Variants in SAP30 observed in about 807,000 individuals in gnomAD.
The protein encoded by SAP30 is histone deacetylase complex subunit SAP30.
Under a neutral mutation model 19.6 loss-of-function variants are expected in SAP30, and 13 were observed. That is an observed-to-expected ratio of 0.66 (90% CI 0.43 to 1.05). The LOEUF is 1.05. Ranked by LOEUF, SAP30 falls within the 50% of genes least tolerant of loss-of-function variation. The pLI is 0.00. For missense variants in SAP30, 257 were observed against 292.1 expected (o/e 0.88, Z 0.88); for synonymous variants, 108 against 122.7 (o/e 0.88, Z 0.79).
At chr4:173,376,916 C>T (rs927702269) in intron 3 of SAP30, among the ~76,000 whole-genome samples, 3 of 152,116 alleles carry the variant, frequency 2.0e-5, no homozygotes, top group African/African-American at 7.2e-5. Flanking sequence ...GCCACCACGC[C>T]TGGCCCAATT....
Position 173,371,497 on chromosome 4 carries a change from C to T in SAP30, c.315C>T (p.Ser105=). ...AGGTGAAGATCGAGCTGGATAAGAGCGTAAGTAAACCGCGGGACCGCCCTG... is the reference window on the plus strand; with the variant it reads ...AGGTGAAGATCGAGCTGGATAAGAGTGTAAGTAAACCGCGGGACCGCCCTG... The part of the protein sequence containing the change: ...QKKVKIELDK[S]ARHLYICDYH... Residue 105 remains serine, a splice_region_variant and synonymous_variant, in exon 1 of 4, where the codon AGC becomes AGT. Coordinates refer to ENST00000296504, the MANE Select transcript of SAP30 (RefSeq NM_003864.4). This position sits in a 1 kb window ranked among gnomAD's most constrained non-coding sequence, Gnocchi z 6.4. 6.3e-7 allele frequency: 1 copy of T among 1,583,118 alleles called. No homozygotes were observed. Among genetic ancestry groups the T allele is most frequent in the Non-Finnish European group, 8.5e-7 (1 of 1,170,136 alleles).
chr4:173,374,056 C>G lies in SAP30; in HGVS notation c.540+19C>G. ...TGTTGAGGTATATATGAGTTTTAAA[C>G]TATTTGAACTATCTGCACAACCGAG... is the stretch of plus-strand genomic sequence containing the variant. On this transcript the variant is annotated intron_variant, in intron 3 of 3. Transcript: ENST00000296504. 1 of 1,333,300 alleles carries G rather than the reference C, an allele frequency of 7.5e-7. No homozygotes were observed. The highest frequency in any genetic ancestry group is 1.1e-6 in the Non-Finnish European group (1 of 947,394). 82.6% of individuals were successfully genotyped at this position (1,333,300 alleles called of 1,614,324 possible).
chr4:173,374,185 G>A, intron 3 of SAP30, 148 bp downstream of exon 3: 1 of 484,002 alleles, frequency 2.1e-6, no homozygotes, highest in Non-Finnish European at 3.7e-6. Context: ...ATCTAGTTGT[G>A]TAGAAATGTT....
intron 1 of SAP30, among the ~76,000 whole-genome samples, chr4:173,372,511 A>G (rs1405605686): frequency 6.6e-6 from 1 of 152,388 alleles, no homozygotes; most frequent in East Asian, 1.9e-4. Flanking sequence ...ATAGATAAAT[A>G]CATTGATTTA....
chr4:173,371,537 G>T lies in SAP30; in HGVS notation c.315+40G>T, dbSNP rs557481123. 11 of 1,560,224 alleles carry T rather than the reference G, an allele frequency of 7.1e-6. No homozygotes were observed. The South Asian group carries it at 1.1e-4, about 16-fold the overall frequency. On this transcript the variant is annotated intron_variant, in intron 1 of 3. Transcript: ENST00000296504. The surrounding 1 kb of genome is among the most constrained non-coding windows in gnomAD (Gnocchi z 6.4). ...GGACCGCCCTGCCCTCCCGCCCCTC[G>T]GTGGGGCCCCAGGAGCCGGGCAAAG...
chr4:173,376,421 T>A (rs1739040419), intron 3 of SAP30, among the ~76,000 whole-genome samples: 1 of 152,134 alleles, frequency 6.6e-6, no homozygotes, highest in Non-Finnish European at 1.5e-5. Flanking sequence ...AGCAAACAAT[T>A]TATATGTTAT....
In SAP30 at chr4:173,371,121, AGAGGCGGAGC is replaced by A; in HGVS notation, c.-60_-51del. On this transcript the variant is annotated 5_prime_UTR_variant, in exon 1 of 4. Coordinates refer to ENST00000296504, the MANE Select transcript of SAP30 (RefSeq NM_003864.4). The surrounding 1 kb of genome is among the most constrained non-coding windows in gnomAD (Gnocchi z 6.4). ...GTGAATTGCCGCTGCCGGAGCGGAG[AGAGGCGGAGC>A]GGCCAGGAGAGAGGGGATTTCTGTC... 1.2e-5 allele frequency: 17 copies of A among 1,391,944 alleles called. No individual in the cohort carries two copies. The highest frequency in any genetic ancestry group is 1.6e-5 in the Non-Finnish European group (17 of 1,071,320). 86.2% of individuals were successfully genotyped at this position (1,391,944 alleles called of 1,614,324 possible). A position where few individuals can be genotyped will look rare whatever the true frequency, so the allele number is the denominator to read the frequency against.
chr4:173,371,250 T>C lies in SAP30; in HGVS notation c.68T>C (p.Val23Ala), dbSNP rs1490268380. ...GCGGCCGCCGCAGTGGCCGCAGTGG[T>C]CGCTGCCGCGGCCGCCGCCGCCTCG... Reference protein sequence around the residue: ...GDAAAAVAAVVAAAAAAASAG... With the variant: ...GDAAAAVAAVAAAAAAAASAG... Residue 23 changes from valine to alanine, a missense_variant, in exon 1 of 4, where the codon GTC becomes GCC. Coordinates refer to ENST00000296504, the MANE Select transcript of SAP30 (RefSeq NM_003864.4). This position sits in a 1 kb window ranked among gnomAD's most constrained non-coding sequence, Gnocchi z 6.4. The C allele has an allele frequency of 7.7e-7, 1 of 1,290,648 alleles. No homozygotes were observed. Among genetic ancestry groups the C allele is most frequent in the Non-Finnish European group, 9.8e-7 (1 of 1,019,692 alleles). 79.9% of individuals were successfully genotyped at this position (1,290,648 alleles called of 1,614,324 possible).
At chr4:173,377,167 C>T (rs1321028585) in intron 3 of SAP30, 38 bp from the exon 4 acceptor site, 1 of 1,489,330 alleles carries the variant, frequency 6.7e-7, no homozygotes, top group Admixed American at 2.3e-5. Context: ...CCTGTTATAT[C>T]TAAAATTTAA....
rs773571737 is a variant in SAP30, at chr4:173,373,442, G to C, written c.368G>C (p.Arg123Pro). The C allele has an allele frequency of 1.2e-6, 2 of 1,612,580 alleles. No individual in the cohort carries two copies. Among genetic ancestry groups the C allele is most frequent in the Non-Finnish European group, 1.7e-6 (2 of 1,179,314 alleles). ...DYHKNLIQSV[R>P]NRRKRKGSDD... is the part of the protein sequence containing the mutation. ...CATAAAAACTTAATTCAGAGTGTTC[G>C]AAACAGAAGAAAGAGAAAAGGGAGT... The change falls in exon 2 of 4, where the codon CGA becomes CCA. Residue 123 changes from arginine (R) to proline (P), a missense_variant. Arg to Pro is a moderately radical substitution (Grantham distance 103). Transcript: ENST00000296504.
At chr4:173,376,772 C>T (rs1203380053) in intron 3 of SAP30, among the ~76,000 whole-genome samples, 1 of 151,878 alleles carries the variant, frequency 6.6e-6, no homozygotes, top group Admixed American at 6.6e-5. Flanking sequence ...GTGTACACCA[C>T]CAGGCCTATC....
Position 173,371,907 on chromosome 4 carries a change from C to T in SAP30, c.315+410C>T, listed in dbSNP as rs888297129. Among the ~76,000 whole-genome samples the T allele has an allele frequency of 1.3e-5, 2 of 152,336 alleles. No individual in the cohort carries two copies. The highest frequency in any genetic ancestry group is 3.9e-4 in the East Asian group (2 of 5,190). ...TTGCTGCCCAAGCTGGTGTTTGGCCCCAGGCGGTACTAAATCCCGTCGTCT... is the reference window on the plus strand; with the variant it reads ...TTGCTGCCCAAGCTGGTGTTTGGCCTCAGGCGGTACTAAATCCCGTCGTCT... On this transcript the variant is annotated intron_variant, in intron 1 of 3. Transcript: ENST00000296504. The surrounding 1 kb of genome is among the most constrained non-coding windows in gnomAD (Gnocchi z 6.4).
chr4:173,373,063 C>A (rs1193703209), intron 1 of SAP30, among the ~76,000 whole-genome samples: 1 of 152,134 alleles, frequency 6.6e-6, no homozygotes, highest in Non-Finnish European at 1.5e-5. Flanking sequence ...GGATTACAGG[C>A]GTGAACCACC....
chr4:173,372,363 G>T (rs1398851460), intron 1 of SAP30, among the ~76,000 whole-genome samples: 2 of 152,176 alleles, frequency 1.3e-5, no homozygotes, highest in Non-Finnish European at 2.9e-5. Flanking sequence ...TCTACAGCTC[G>T]CAGGAGTATA....
In SAP30 at chr4:173,371,412, G is replaced by A. The variant is rs773112767; in HGVS notation, c.230G>A (p.Gly77Asp). 4 of 1,590,310 alleles carry A rather than the reference G, an allele frequency of 2.5e-6. No homozygotes were observed. The highest frequency in any genetic ancestry group is 3.4e-6 in the Non-Finnish European group (4 of 1,175,462). ...CCLREDGERC[G>D]RAAGNASFSK... ...CTGCGGGAGGATGGTGAGCGGTGCGGCCGGGCGGCAGGCAACGCCAGCTTC... is the reference window on the plus strand; with the variant it reads ...CTGCGGGAGGATGGTGAGCGGTGCGACCGGGCGGCAGGCAACGCCAGCTTC... Residue 77 changes from glycine to aspartate, a missense_variant, in exon 1 of 4, where the codon GGC becomes GAC. Coordinates refer to ENST00000296504, the MANE Select transcript of SAP30 (RefSeq NM_003864.4). The surrounding 1 kb of genome is among the most constrained non-coding windows in gnomAD (Gnocchi z 6.4).
At chr4:173,374,525 C>T (rs527664214) in intron 3 of SAP30, among the ~76,000 whole-genome samples, 1 of 152,156 alleles carries the variant, frequency 6.6e-6, no homozygotes, top group Admixed American at 6.5e-5. Flanking sequence ...AAGTGATCTG[C>T]CCACCTCAGC....
chr4:173,376,158 T>C (rs1739034743), intron 3 of SAP30, among the ~76,000 whole-genome samples: 1 of 152,216 alleles, frequency 6.6e-6, no homozygotes, highest in Admixed American at 6.5e-5. Flanking sequence ...TGAACTTTTT[T>C]CTTAAGAAAT....
At chr4:173,374,342 C>A (rs894546663) in intron 3 of SAP30, among the ~76,000 whole-genome samples, 7 of 152,204 alleles carry the variant, frequency 4.6e-5, no homozygotes, top group African/African-American at 1.7e-4. Context: ...GTGGCATGAT[C>A]TTGGCTCATT....
chr4:173,375,585 A>G (rs2126905986), intron 3 of SAP30, among the ~76,000 whole-genome samples: 1 of 152,318 alleles, frequency 6.6e-6, no homozygotes, highest in Non-Finnish European at 1.5e-5. Flanking sequence ...TATAAATTAA[A>G]CCTGTAATTT....
Sources: gnomAD v4.1 joint callset for allele counts (sites outside exome capture counted in the v4.1 genomes callset) on GRCh38, gnomAD v4.1.1 for gene constraint, Gnocchi (gnomAD v3.1) non-coding constraint, MANE v1.5 for transcripts, NCBI Gene and HGNC (gene_info 2026-07-23, HGNC 2026-07-21) for gene names.